CLTCL1: variants seen among roughly 807,000 people sequenced by gnomAD.
CLTCL1 encodes the protein clathrin heavy chain like 1.
A neutral mutation model predicts 190.0 loss-of-function variants in CLTCL1; 159 were observed. The ratio of observed to expected loss-of-function variants is 0.84; its 90% CI spans 0.74 to 0.95. CLTCL1 has a LOEUF of 0.95. CLTCL1 is among the 40% of genes least tolerant of loss of function. CLTCL1 has a pLI of 0.00. For synonymous variants in CLTCL1, 752 were observed against 769.6 expected, an observed-to-expected ratio of 0.98 and a Z score of 0.38; for missense variants, 1,878 against 2,033.4, an observed-to-expected ratio of 0.92 and a Z score of 1.47.
intron 1 of CLTCL1, 100 bp downstream of exon 1, chr22:19,291,500 G>T: frequency 8.9e-7 from 1 of 1,119,326 alleles, no homozygotes; most frequent in South Asian, 3.6e-5. Flanking sequence ...GGCCAGCTGG[G>T]CAGCGGCTCA....
intron 20 of CLTCL1, 184 bp from the exon 21 acceptor site, chr22:19,209,298 T>C (rs1006846844): frequency 1.9e-6 from 1 of 515,206 alleles, no homozygotes; most frequent in Non-Finnish European, 3.4e-6. Context: ...AGCTATTATA[T>C]GAGAAGGGGG....
rs571583634 is a variant in CLTCL1, at chr22:19,261,794, A to T, written c.251-7567T>A. 1.4e-3 allele frequency among the ~76,000 whole-genome samples: 206 copies of T among 152,326 alleles called. 2 individuals are homozygous for T. Among genetic ancestry groups the T allele is most frequent in the African/African-American group, 4.7e-3 (197 of 41,586 alleles). The stretch of plus-strand genomic sequence containing the variant: ...GTTTCTTCCAATGGAATCTACTCCC[A>T]GTGAAGATGCTGTGAACACTGTTGA... On this transcript the variant is annotated intron_variant, in intron 2 of 32. Transcript: ENST00000427926.
intron 10 of CLTCL1, 51 bp from the exon 11 acceptor site, chr22:19,230,026 T>C: frequency 6.7e-7 from 1 of 1,491,946 alleles, no homozygotes; most frequent in Non-Finnish European, 9.0e-7. Flanking sequence ...CATTCAGTGT[T>C]TCATTTTCCT....
intron 18 of CLTCL1, among the ~76,000 whole-genome samples, chr22:19,217,977 G>C (rs981206569): frequency 6.6e-6 from 1 of 152,136 alleles, no homozygotes; most frequent in African/African-American, 2.4e-5. Flanking sequence ...CCCCACCTAA[G>C]GTTGCCTCAG....
chr22:19,222,657 G>A (rs1478024189), intron 15 of CLTCL1, 27 bp downstream of exon 15: 1 of 1,580,498 alleles, frequency 6.3e-7, no homozygotes, highest in Non-Finnish European at 8.6e-7. Flanking sequence ...GAGGCAGCCG[G>A]GTGTCACTCC....
At position 19,225,607 on chromosome 22, in the gene CLTCL1, T is replaced by C. The variant is rs1555955431; in HGVS notation, c.1974A>G (p.Leu658=). 5 of 1,566,080 alleles carry C rather than the reference T, an allele frequency of 3.2e-6. 1 individual carries two copies. Among genetic ancestry groups the C allele is most frequent in the Non-Finnish European group, 3.5e-6 (4 of 1,156,278 alleles). The change falls in exon 13 of 33, where the codon TTA becomes TTG. Residue 658 remains leucine, a synonymous_variant. Transcript: ENST00000427926. ...GACACTCCACAGAATCCTCCACCGA[T>C]AAGGAGCCAAAGAAATTGACAAGCC... ...PEWLVNFFGS[L]SVEDSVECLH...
chr22:19,217,719 G>A (rs1341050670), intron 18 of CLTCL1, among the ~76,000 whole-genome samples: 1 of 151,160 alleles, frequency 6.6e-6, no homozygotes, highest in African/African-American at 2.4e-5. Flanking sequence ...GTGGCGGCAG[G>A]TGCCTGTAAT....
At position 19,199,904 on chromosome 22, in the gene CLTCL1, T is replaced by C. The variant is rs142484719; in HGVS notation, c.3766-63A>G. 720 of 1,151,526 alleles carry C rather than the reference T, an allele frequency of 6.3e-4. 3 individuals are homozygous for C. The African/African-American group carries it at 9.3e-3, about 15-fold the overall frequency. 71.3% of individuals were successfully genotyped at this position (1,151,526 alleles called of 1,614,324 possible). A position where few individuals can be genotyped will look rare whatever the true frequency, so the allele number is the denominator to read the frequency against. ...AGGACACAGCACCACAGCAGCTGACTTACAAGGCACACAGTTGCAAATGCA... is the reference window on the plus strand; with the variant it reads ...AGGACACAGCACCACAGCAGCTGACCTACAAGGCACACAGTTGCAAATGCA... On this transcript the variant is annotated intron_variant, in intron 23 of 32. Coordinates refer to ENST00000427926, the MANE Select transcript of CLTCL1 (RefSeq NM_007098.4).
intron 2 of CLTCL1, among the ~76,000 whole-genome samples, chr22:19,260,393 AACTCTCTTGTTAGGGGATAAT>A: frequency 1.3e-5 from 2 of 151,642 alleles, no homozygotes; most frequent in African/African-American, 4.9e-5. Context: ...AAGACAGGTT[AACTCTCTTGTTAGGGGATAAT>A]GCAGCTGGTA....
At chr22:19,207,741 A>G (rs1010152827) in intron 22 of CLTCL1, 2 of 486,312 alleles carry the variant, frequency 4.1e-6, no homozygotes, top group Admixed American at 7.2e-5. Flanking sequence ...GATCAGCAGC[A>G]GCATTAGATT....
At chr22:19,267,646 T>C (rs2087161359) in intron 2 of CLTCL1, among the ~76,000 whole-genome samples, 1 of 152,084 alleles carries the variant, frequency 6.6e-6, no homozygotes, top group South Asian at 2.1e-4. Context: ...GTAATCCCAA[T>C]ACTTTGTGAG....
rs1555935770 is a variant in CLTCL1, at chr22:19,196,483, C to T, written c.4041+6G>A. On this transcript the variant is annotated splice_donor_region_variant and intron_variant, in intron 25 of 32. Transcript: ENST00000427926. ...CGGCTGCCAGACTGCAAGGAGTACA[C>T]GGTACCTTTGGGATGTTGACACGGG... is the stretch of plus-strand genomic sequence containing the variant. The T allele has an allele frequency of 7.4e-6, 12 of 1,613,928 alleles. No homozygotes were observed. Among genetic ancestry groups the T allele is most frequent in the East Asian group, 2.2e-5 (1 of 44,898 alleles).
In CLTCL1 at chr22:19,208,135, C is replaced by T; in HGVS notation, c.3600+19G>A. 1 of 1,613,744 alleles carries T rather than the reference C, an allele frequency of 6.2e-7. No individual in the cohort carries two copies. The highest frequency in any genetic ancestry group is 8.5e-7 in the Non-Finnish European group (1 of 1,179,844). On this transcript the variant is annotated intron_variant, in intron 22 of 32. Coordinates refer to ENST00000427926, the MANE Select transcript of CLTCL1 (RefSeq NM_007098.4). ...TAAATCTGACTGGCAGTGCACAGCCCCCAGGGGGCATGGCCTACCTGCTGG... is the reference window on the plus strand; with the variant it reads ...TAAATCTGACTGGCAGTGCACAGCCTCCAGGGGGCATGGCCTACCTGCTGG...
At chr22:19,251,658 G>T (rs530758893) in intron 3 of CLTCL1, among the ~76,000 whole-genome samples, 4 of 151,832 alleles carry the variant, frequency 2.6e-5, no homozygotes, top group African/African-American at 9.7e-5. Context: ...GGGTTTCACC[G>T]TGTTAGCCAG....
At chr22:19,262,034 A>G (rs2086965087) in intron 2 of CLTCL1, among the ~76,000 whole-genome samples, 1 of 151,828 alleles carries the variant, frequency 6.6e-6, no homozygotes, top group African/African-American at 2.4e-5. Flanking sequence ...TTATTTATTT[A>G]TTTGTTTTTT....
chr22:19,226,245 C>T lies in CLTCL1; in HGVS notation c.1921G>A (p.Val641Ile), dbSNP rs782361464. 46 of 1,613,798 alleles carry T rather than the reference C, an allele frequency of 2.9e-5. No individual in the cohort carries two copies. The highest frequency in any genetic ancestry group is 3.6e-5 in the Non-Finnish European group (43 of 1,179,858). Residue 641 changes from valine (V) to isoleucine (I), a missense_variant, in exon 12 of 33, where the codon GTC (valine) becomes ATC (isoleucine). By Grantham distance (29) the Val-to-Ile change is conservative. Coordinates refer to ENST00000427926, the MANE Select transcript of CLTCL1 (RefSeq NM_007098.4). ...TCGGGATTGAGGAGGTGAGTGTGGA[C>T]CACAGCCCTCTTGATGTCATAGAGG... ...TDLYDIKRAV[V>I]HTHLLNPEWL...
rs1569164051 is a variant in CLTCL1, at chr22:19,202,473, T to TCCG, written c.3601-981_3601-980insCGG. On this transcript the variant is annotated intron_variant, in intron 22 of 32. Coordinates refer to ENST00000427926, the MANE Select transcript of CLTCL1 (RefSeq NM_007098.4). ...CGGCACCTCCCGCACCACCCCTCCT[T>TCCG]TGCCATCCACGGTACCTCCCGCACC... Among the ~76,000 whole-genome samples, 79 of 37,438 alleles carry TCCG rather than the reference T, an allele frequency of 2.1e-3. 2 individuals carry two copies. The highest frequency in any genetic ancestry group is 5.2e-3 in the Admixed American group (15 of 2,886). 24.6% of individuals were successfully genotyped at this position (37,438 alleles called of 152,430 possible). A position where few individuals can be genotyped will look rare whatever the true frequency, so the allele number is the denominator to read the frequency against.
rs1555961531 is a variant in CLTCL1 at position 19,235,544 on chromosome 22, G to GGTGC, written c.969+151_969+152insGCAC. On this transcript the variant is annotated intron_variant, in intron 6 of 32. Transcript: ENST00000427926. The stretch of plus-strand genomic sequence containing the variant: ...GAATGGTGCTGTCTGAAGAGAGGAA[G>GGTGC]TGTCAATATGAAGGAGGAGACATGG... Among the ~76,000 whole-genome samples, 4 of 152,210 alleles carry GGTGC rather than the reference G, an allele frequency of 2.6e-5. No homozygotes were observed. In the East Asian group the frequency reaches 7.7e-4, roughly 29 times the overall value.
At chr22:19,241,309 G>A (rs989515293) in intron 4 of CLTCL1, among the ~76,000 whole-genome samples, 1 of 152,230 alleles carries the variant, frequency 6.6e-6, no homozygotes, top group African/African-American at 2.4e-5. Flanking sequence ...GCTCCTCAGA[G>A]GGAGGCCTGT....
Sources: gnomAD v4.1 joint callset for allele counts (sites outside exome capture counted in the v4.1 genomes callset) on GRCh38, gnomAD v4.1.1 for gene constraint, MANE v1.5 for transcripts, NCBI Gene and HGNC (gene_info 2026-07-23, HGNC 2026-07-21) for gene names.